The following ETS1 variants were observed in gnomAD, a reference collection of about 807,000 sequenced individuals.
ETS1 encodes ETS proto-oncogene 1, transcription factor, also known as protein C-ets-1.
In ETS1, 15 loss-of-function variants were observed where a neutral mutation model predicts 58.6. That is an observed-to-expected ratio of 0.26 (90% CI 0.17 to 0.39). The LOEUF (loss-of-function observed/expected upper bound fraction) is 0.39. Among genes scored for constraint, ETS1 ranks in the 10% least tolerant of loss-of-function variants. The pLI, the probability that ETS1 is intolerant of heterozygous loss-of-function variation, is 1.00. For synonymous variants in ETS1, 214 were observed against 218.2 expected, an observed-to-expected ratio of 0.98 and a Z score of 0.17; for missense variants, 417 against 610.5, an observed-to-expected ratio of 0.68 and a Z score of 3.34.
At chr11:128,495,454 A>G (rs1862914032) in intron 3 of ETS1, among the ~76,000 whole-genome samples, 1 of 152,218 alleles carries the variant, frequency 6.6e-6, no homozygotes, top group Non-Finnish European at 1.5e-5. Context: ...ATCAACTATA[A>G]TCTTTTCTTT....
At chr11:128,510,673 T>TAGAG (rs1225955299) in intron 3 of ETS1, among the ~76,000 whole-genome samples, 1 of 152,176 alleles carries the variant, frequency 6.6e-6, no homozygotes, top group Non-Finnish European at 1.5e-5. Context: ...ACAGCAAACT[T>TAGAG]AAAACTATTA....
intron 3 of ETS1, among the ~76,000 whole-genome samples, chr11:128,554,599 A>G (rs1591659298): frequency 6.6e-6 from 1 of 152,192 alleles, no homozygotes; most frequent in South Asian, 2.1e-4. Flanking sequence ...CAGTTTAAGG[A>G]AAAGGAAGGC....
chr11:128,514,739 A>G (rs952260929), intron 3 of ETS1, among the ~76,000 whole-genome samples: 7 of 152,200 alleles, frequency 4.6e-5, no homozygotes, highest in African/African-American at 1.7e-4. Flanking sequence ...TCTACCCATG[A>G]GGGATTTAAA....
intron 7 of ETS1, among the ~76,000 whole-genome samples, chr11:128,482,539 C>T (rs1051632648): frequency 6.6e-6 from 1 of 152,160 alleles, no homozygotes; most frequent in Non-Finnish European, 1.5e-5. Flanking sequence ...AGCAAGGGGA[C>T]TAAACCAAGC....
rs564776655 is a variant in ETS1, at chr11:128,579,400, G to A, written c.-14-6256C>T. Among the ~76,000 whole-genome samples the A allele has an allele frequency of 7.9e-5, 12 of 152,182 alleles. No individual in the cohort carries two copies. The South Asian group carries it at 2.5e-3, about 32-fold the overall frequency. On this transcript the variant is annotated intron_variant, in intron 1 of 9. Coordinates refer to ENST00000392668, the MANE Select transcript of ETS1 (RefSeq NM_001143820.2). ...TCCAGGGCTGGGCTCGGTGGCTCAC[G>A]CCTGTAATTCCAGCAATTTGAGAGG...
chr11:128,524,101 G>A (rs1259755607), intron 3 of ETS1, among the ~76,000 whole-genome samples: 2 of 152,148 alleles, frequency 1.3e-5, no homozygotes, highest in South Asian at 2.1e-4. Flanking sequence ...ATTCCTCAGA[G>A]CAACTCCTTT....
chr11:128,465,212 CTCTT>C (rs1221579534), intron 8 of ETS1, among the ~76,000 whole-genome samples: 1 of 152,182 alleles, frequency 6.6e-6, no homozygotes, highest in Admixed American at 6.5e-5. Flanking sequence ...GCTCTACCTC[CTCTT>C]TCTGAGAATG....
chr11:128,517,799 G>A (rs537641776), intron 3 of ETS1, among the ~76,000 whole-genome samples: 4 of 152,234 alleles, frequency 2.6e-5, no homozygotes, highest in African/African-American at 4.8e-5. Flanking sequence ...GGTTGACCAC[G>A]AGCTGGTTTG....
At chr11:128,541,582 A>G (rs761011463) in intron 3 of ETS1, among the ~76,000 whole-genome samples, 15 of 152,222 alleles carry the variant, frequency 9.9e-5, no homozygotes, top group Non-Finnish European at 2.1e-4. Flanking sequence ...ATTCCAAATT[A>G]CTGCAAAGTT....
chr11:128,525,828 A>G (rs1188120871), intron 3 of ETS1, among the ~76,000 whole-genome samples: 2 of 152,170 alleles, frequency 1.3e-5, no homozygotes, highest in Non-Finnish European at 2.9e-5. Flanking sequence ...GCACTTCAAT[A>G]TCTACATTAT....
chr11:128,472,363 G>A (rs1364014681), intron 8 of ETS1, among the ~76,000 whole-genome samples: 1 of 152,202 alleles, frequency 6.6e-6, no homozygotes, highest in Non-Finnish European at 1.5e-5. Flanking sequence ...CTCTCAGGGA[G>A]AGGTGAGTCA....
intron 2 of ETS1, among the ~76,000 whole-genome samples, chr11:128,561,156 C>A (rs896804682): frequency 6.6e-6 from 1 of 152,142 alleles, no homozygotes; most frequent in Non-Finnish European, 1.5e-5. Context: ...AGTAAAACTT[C>A]AAGCCGGAGG....
At chr11:128,544,775 C>T (rs1864107753) in intron 3 of ETS1, among the ~76,000 whole-genome samples, 1 of 152,102 alleles carries the variant, frequency 6.6e-6, no homozygotes, top group Non-Finnish European at 1.5e-5. Flanking sequence ...AAATATTCAA[C>T]AATGGCTACA....
At chr11:128,540,118 T>G (rs931455248) in intron 3 of ETS1, among the ~76,000 whole-genome samples, 8 of 152,052 alleles carry the variant, frequency 5.3e-5, no homozygotes, top group Non-Finnish European at 1.0e-4. Flanking sequence ...TGGAGACCAG[T>G]CTGACCAACA....
In ETS1 at chr11:128,490,443, C is replaced by A. The variant is rs376013621; in HGVS notation, c.334+14G>T. 5.0e-6 allele frequency: 8 copies of A among 1,613,706 alleles called. No homozygotes were observed. The African/African-American group carries it at 8.0e-5, about 16-fold the overall frequency. ...CTGACCCCAACCACTCTTTTTCCAA[C>A]TACAAAACCATACCTTTTGGGATCC... On this transcript the variant is annotated intron_variant, in intron 4 of 9. Coordinates refer to ENST00000392668, the MANE Select transcript of ETS1 (RefSeq NM_001143820.2).
At chr11:128,508,570 G>T (rs1165385606) in intron 3 of ETS1, among the ~76,000 whole-genome samples, 1 of 152,070 alleles carries the variant, frequency 6.6e-6, no homozygotes, top group Non-Finnish European at 1.5e-5. Context: ...TTACTATCAA[G>T]CACCCTAAAT....
At chr11:128,500,638 T>C (rs1034867538) in intron 3 of ETS1, among the ~76,000 whole-genome samples, 6 of 152,164 alleles carry the variant, frequency 3.9e-5, no homozygotes, top group African/African-American at 1.4e-4. Flanking sequence ...AGCATACTCA[T>C]ACACATTCAC....
intron 2 of ETS1, among the ~76,000 whole-genome samples, chr11:128,572,671 G>C (rs1256332254): frequency 6.6e-6 from 1 of 152,086 alleles, no homozygotes; most frequent in Non-Finnish European, 1.5e-5. Flanking sequence ...TAGAAAACTT[G>C]CATTATTGGC....
At chr11:128,498,235 T>G (rs1862994317) in intron 3 of ETS1, among the ~76,000 whole-genome samples, 1 of 152,154 alleles carries the variant, frequency 6.6e-6, no homozygotes, top group Admixed American at 6.5e-5. Flanking sequence ...GAAAAGCATC[T>G]TATAAAATAT....
Sources: gnomAD v4.1 joint callset for allele counts (sites outside exome capture counted in the v4.1 genomes callset) on GRCh38, gnomAD v4.1.1 for gene constraint, MANE v1.5 for transcripts, NCBI Gene and HGNC (gene_info 2026-07-23, HGNC 2026-07-21) for gene names.